The following ARAP2 variants were observed in gnomAD, a reference collection of about 807,000 sequenced individuals.
ARAP2 encodes the protein ArfGAP with RhoGAP domain, ankyrin repeat and PH domain 2, also known as arf-GAP with Rho-GAP domain, ANK repeat and PH domain-containing protein 2.
ARAP2 carries 148 observed loss-of-function variants against 194.5 expected under a neutral mutation model. The observed-to-expected ratio is 0.76, with a 90% CI of 0.67 to 0.87. The LOEUF is 0.87. ARAP2 is among the 40% of genes least tolerant of loss of function. The pLI, the probability that ARAP2 is intolerant of heterozygous loss-of-function variation, is 0.00. For synonymous variants in ARAP2, 695 were observed against 683.5 expected (o/e 1.02, Z -0.26); for missense variants, 2,128 against 1,989.7 (o/e 1.07, Z -1.32).
At chr4:36,192,687 T>C (rs866078614) in intron 7 of ARAP2, among the ~76,000 whole-genome samples, 1 of 151,934 alleles carries the variant, frequency 6.6e-6, no homozygotes, top group South Asian at 2.1e-4. Flanking sequence ...TAGAAAAAAA[T>C]AGTAGCTAAA....
At chr4:36,034,907 G>A (rs1245669747) in intron 5 of ARAP2, among the ~76,000 whole-genome samples, 1 of 152,094 alleles carries the variant, frequency 6.6e-6, no homozygotes, top group South Asian at 2.1e-4. Flanking sequence ...ATTTGCATAT[G>A]TTGAACCAAC....
At chr4:36,167,070 A>G in intron 9 of ARAP2, 23 bp from the exon 10 acceptor site, 1 of 1,320,758 alleles carries the variant, frequency 7.6e-7, no homozygotes. Flanking sequence ...AAAACATAAA[A>G]AACTATAAAG....
At position 36,124,849 on chromosome 4, in the gene ARAP2, T is replaced by C; in HGVS notation, c.3746+13A>G. 1 of 1,544,842 alleles carries C rather than the reference T, an allele frequency of 6.5e-7. No individual in the cohort carries two copies. The highest frequency in any genetic ancestry group is 8.9e-7 in the Non-Finnish European group (1 of 1,129,830). On this transcript the variant is annotated intron_variant, in intron 22 of 32. Coordinates refer to ENST00000303965, the MANE Select transcript of ARAP2 (RefSeq NM_015230.4). ...TGTTTGAAATGTCGAGAAAAGTTCATTCATCTACCCACCTATACAGGTGTT... is the reference window on the plus strand; with the variant it reads ...TGTTTGAAATGTCGAGAAAAGTTCACTCATCTACCCACCTATACAGGTGTT...
chr4:36,170,131 A>G (rs1357105978), intron 9 of ARAP2, among the ~76,000 whole-genome samples: 2 of 152,184 alleles, frequency 1.3e-5, no homozygotes, highest in African/African-American at 4.8e-5. Flanking sequence ...GATTCCATGA[A>G]TCTGGGGGCA....
intron 25 of ARAP2, among the ~76,000 whole-genome samples, chr4:36,115,364 T>C (rs1213364648): frequency 3.9e-5 from 6 of 152,016 alleles, no homozygotes; most frequent in African/African-American, 1.4e-4. Flanking sequence ...TATGGAGTAG[T>C]TGAATCATTT....
chr4:36,007,353 A>G (rs1020320481), intron 9 of ARAP2, among the ~76,000 whole-genome samples: 1 of 152,204 alleles, frequency 6.6e-6, no homozygotes, highest in African/African-American at 2.4e-5. Context: ...CAAAGAAGAC[A>G]TCCATTGATA....
intron 1 of ARAP2, among the ~76,000 whole-genome samples, chr4:36,238,854 G>A (rs1339389546): frequency 6.6e-6 from 1 of 152,102 alleles, no homozygotes; most frequent in Non-Finnish European, 1.5e-5. Flanking sequence ...TTGATATAAT[G>A]CAACAATATG....
intron 1 of ARAP2, among the ~76,000 whole-genome samples, chr4:36,059,595 A>G (rs1724074664): frequency 1.3e-5 from 2 of 152,224 alleles, no homozygotes; most frequent in Non-Finnish European, 2.9e-5. Flanking sequence ...ATTCAGACTG[A>G]AGTTAAACAT....
chr4:36,199,344 T>C (rs1028855374), intron 6 of ARAP2, among the ~76,000 whole-genome samples: 1 of 152,192 alleles, frequency 6.6e-6, no homozygotes, highest in Non-Finnish European at 1.5e-5. Context: ...CAAGCGGGAG[T>C]GCAGTGGCAC....
chr4:36,186,520 G>A (rs919968927), intron 8 of ARAP2, among the ~76,000 whole-genome samples: 3 of 152,292 alleles, frequency 2.0e-5, no homozygotes, highest in East Asian at 3.9e-4. Context: ...TAAAGCGGGG[G>A]TCCCCAAACC....
intron 20 of ARAP2, among the ~76,000 whole-genome samples, chr4:36,130,346 C>A (rs966382654): frequency 6.6e-6 from 1 of 151,946 alleles, no homozygotes; most frequent in African/African-American, 2.4e-5. Context: ...ATTGGCCTAA[C>A]CTGTTGCCTT....
chr4:36,202,161 C>T (rs1388952842), intron 6 of ARAP2, among the ~76,000 whole-genome samples: 1 of 152,140 alleles, frequency 6.6e-6, no homozygotes, highest in African/African-American at 2.4e-5. Context: ...GGACTACAAT[C>T]TCCATACGTA....
intron 5 of ARAP2, among the ~76,000 whole-genome samples, chr4:36,031,905 G>A (rs1307312922): frequency 6.6e-6 from 1 of 152,040 alleles, no homozygotes; most frequent in Admixed American, 6.6e-5. Context: ...CTGACCTCAG[G>A]TGATCCACCC....
intron 5 of ARAP2, among the ~76,000 whole-genome samples, chr4:36,043,254 C>T (rs1190824796): frequency 6.6e-6 from 1 of 152,170 alleles, no homozygotes; most frequent in African/African-American, 2.4e-5. Flanking sequence ...AAAGACATCC[C>T]TAGTTTTCCC....
chr4:36,187,737 T>C (rs1003212390), intron 7 of ARAP2, among the ~76,000 whole-genome samples, 166 bp from the exon 8 acceptor site: 3 of 152,236 alleles, frequency 2.0e-5, no homozygotes, highest in African/African-American at 7.2e-5. Context: ...TGTAATACCC[T>C]AGAAAAGAAA....
At chr4:36,122,237 T>C (rs1165208505) in intron 22 of ARAP2, among the ~76,000 whole-genome samples, 1 of 151,694 alleles carries the variant, frequency 6.6e-6, no homozygotes, top group African/African-American at 2.4e-5. Flanking sequence ...AAGACAGAAA[T>C]ATCATTCAAC....
At chr4:36,141,074 G>A (rs752695688) in intron 19 of ARAP2, among the ~76,000 whole-genome samples, 3 of 151,618 alleles carry the variant, frequency 2.0e-5, no homozygotes, top group Non-Finnish European at 3.0e-5. Context: ...ATATGCAGAA[G>A]ATGTAGGTTA....
At chr4:36,008,359 A>C (rs1434201605) in intron 9 of ARAP2, among the ~76,000 whole-genome samples, 1 of 152,156 alleles carries the variant, frequency 6.6e-6, no homozygotes, top group Non-Finnish European at 1.5e-5. Context: ...GACCAAAAGA[A>C]AAGAATAGAG....
intron 5 of ARAP2, chr4:36,019,364 A>G (rs1716474809): frequency 1.3e-5 from 2 of 149,304 alleles, no homozygotes; most frequent in Non-Finnish European, 2.9e-5. Context: ...AGTTTTTTCA[A>G]TGTACTAGGA....
Sources: gnomAD v4.1 joint callset for allele counts (sites outside exome capture counted in the v4.1 genomes callset) on GRCh38, gnomAD v4.1.1 for gene constraint, MANE v1.5 for transcripts, NCBI Gene and HGNC (gene_info 2026-07-23, HGNC 2026-07-21) for gene names.